Variants in RIMKLB observed in about 807,000 individuals in gnomAD.
RIMKLB encodes the protein ribosomal modification protein rimK like family member B, also known as beta-citrylglutamate synthase B.
A neutral mutation model predicts 32.0 loss-of-function variants in RIMKLB; 7 were observed. The observed-to-expected ratio is 0.22, with a 90% CI of 0.12 to 0.41. RIMKLB has a LOEUF of 0.41. Among genes scored for constraint, RIMKLB ranks in the 10% least tolerant of loss-of-function variants. The pLI, the probability that RIMKLB is intolerant of heterozygous loss-of-function variation, is 1.00. For synonymous variants in RIMKLB, 172 were observed against 185.1 expected, an observed-to-expected ratio of 0.93 and a Z score of 0.57; for missense variants, 289 against 498.7, an observed-to-expected ratio of 0.58 and a Z score of 4.00.
chr12:8,764,425 T>C (rs564064594), intron 5 of RIMKLB, among the ~76,000 whole-genome samples: 217 of 152,244 alleles, frequency 1.4e-3, no homozygotes, highest in Non-Finnish European at 2.4e-3. Context: ...TCAGGGATAA[T>C]TAGAAAAGCA....
At chr12:8,719,923 A>T (rs1238727759) in intron 2 of RIMKLB, among the ~76,000 whole-genome samples, 1 of 152,236 alleles carries the variant, frequency 6.6e-6, no homozygotes, top group Non-Finnish European at 1.5e-5. Context: ...GAGACTGACA[A>T]GGAGTCTGGC....
At chr12:8,690,945 A>G (rs1004714224) in intron 1 of RIMKLB, among the ~76,000 whole-genome samples, 1 of 152,144 alleles carries the variant, frequency 6.6e-6, no homozygotes, top group African/African-American at 2.4e-5. Flanking sequence ...AAACAAAAAA[A>G]GAAGATAATC....
intron 5 of RIMKLB, among the ~76,000 whole-genome samples, chr12:8,757,061 A>G (rs898579792): frequency 6.6e-6 from 1 of 152,090 alleles, no homozygotes; most frequent in Non-Finnish European, 1.5e-5. Flanking sequence ...TCATTATAAC[A>G]CGTCCTGCTG....
At chr12:8,723,970 C>T (rs1180141439) in intron 2 of RIMKLB, among the ~76,000 whole-genome samples, 1 of 148,874 alleles carries the variant, frequency 6.7e-6, no homozygotes, top group Admixed American at 6.6e-5. Context: ...CACGCGCCAC[C>T]ATGCCTGGCT....
At chr12:8,706,055 C>T (rs1943850609) in intron 1 of RIMKLB, among the ~76,000 whole-genome samples, 1 of 152,108 alleles carries the variant, frequency 6.6e-6, no homozygotes, top group Non-Finnish European at 1.5e-5. Context: ...GGAACCATTG[C>T]CTCACCAGGT....
At chr12:8,753,645 A>G (rs1353067795) in intron 4 of RIMKLB, among the ~76,000 whole-genome samples, 1 of 152,226 alleles carries the variant, frequency 6.6e-6, no homozygotes, top group Non-Finnish European at 1.5e-5. Context: ...CTGCCTCAGC[A>G]TATATCAAAA....
chr12:8,729,241 A>G (rs920078733), intron 2 of RIMKLB, among the ~76,000 whole-genome samples: 4 of 151,842 alleles, frequency 2.6e-5, no homozygotes, highest in Non-Finnish European at 5.9e-5. Context: ...GTTCTTGTCC[A>G]GTGTTGAGGA....
chr12:8,727,202 A>G (rs1014083093), intron 2 of RIMKLB, among the ~76,000 whole-genome samples: 1 of 152,212 alleles, frequency 6.6e-6, no homozygotes, highest in Admixed American at 6.5e-5. Context: ...ACGCAATCAA[A>G]TAAAGTTGGC....
chr12:8,756,626 T>C (rs975537877), intron 5 of RIMKLB, among the ~76,000 whole-genome samples: 13 of 151,274 alleles, frequency 8.6e-5, no homozygotes, highest in Non-Finnish European at 1.8e-4. Context: ...GAATACATGA[T>C]AGAGTAAGAA....
chr12:8,740,195 C>A (rs1468648461), intron 2 of RIMKLB, among the ~76,000 whole-genome samples: 1 of 152,192 alleles, frequency 6.6e-6, no homozygotes, highest in Non-Finnish European at 1.5e-5. Context: ...TGTAAGCTAC[C>A]ACACCCAGCC....
At chr12:8,729,601 G>A (rs1021229499) in intron 2 of RIMKLB, among the ~76,000 whole-genome samples, 1 of 152,118 alleles carries the variant, frequency 6.6e-6, no homozygotes, top group African/African-American at 2.4e-5. Context: ...GGAAAACAGG[G>A]ATGTAAATTC....
At chr12:8,724,195 C>T (rs866336468) in intron 2 of RIMKLB, among the ~76,000 whole-genome samples, 3 of 152,006 alleles carry the variant, frequency 2.0e-5, no homozygotes, top group South Asian at 4.2e-4. Context: ...TTTTCAAGTT[C>T]GCTCCCTAGG....
intron 1 of RIMKLB, among the ~76,000 whole-genome samples, chr12:8,688,823 C>CGT (rs1942653061): frequency 6.6e-6 from 1 of 151,554 alleles, no homozygotes; most frequent in African/African-American, 2.4e-5. Flanking sequence ...AAGTGCATGA[C>CGT]GTATTTCTTT....
intron 2 of RIMKLB, among the ~76,000 whole-genome samples, chr12:8,716,759 C>A (rs1465052874): frequency 8.3e-6 from 1 of 120,828 alleles, no homozygotes; most frequent in Admixed American, 9.6e-5. Flanking sequence ...TACTTTGAGA[C>A]GGGGTCTCGC....
At chr12:8,719,850 G>T (rs11616190) in intron 2 of RIMKLB, among the ~76,000 whole-genome samples, 1,671 of 152,324 alleles carry the variant, frequency 0.011, 20 homozygotes, top group Non-Finnish European at 0.017. Flanking sequence ...AATGTACAAG[G>T]TTGTGGATAC....
chr12:8,725,373 G>C (rs1299651949), intron 2 of RIMKLB, among the ~76,000 whole-genome samples: 1 of 152,066 alleles, frequency 6.6e-6, no homozygotes, highest in Non-Finnish European at 1.5e-5. Flanking sequence ...CACCTCCCCG[G>C]TTCCAGCGAT....
chr12:8,773,019 A>T (rs1173415067), intron 5 of RIMKLB, among the ~76,000 whole-genome samples: 1 of 151,862 alleles, frequency 6.6e-6, no homozygotes, highest in Non-Finnish European at 1.5e-5. Context: ...TACTTTTGCC[A>T]TCTATCAAGT....
intron 2 of RIMKLB, among the ~76,000 whole-genome samples, chr12:8,728,388 C>T (rs1946229366): frequency 6.6e-6 from 1 of 152,154 alleles, no homozygotes; most frequent in Non-Finnish European, 1.5e-5. Flanking sequence ...GGAGGTAAAG[C>T]ATCCTATGAT....
At chr12:8,706,053 T>G (rs1474382116) in intron 1 of RIMKLB, among the ~76,000 whole-genome samples, 1 of 152,170 alleles carries the variant, frequency 6.6e-6, no homozygotes, top group Non-Finnish European at 1.5e-5. Flanking sequence ...TTGGAACCAT[T>G]GCCTCACCAG....
Sources: allele counts gnomAD v4.1 joint callset (sites outside exome capture counted in the v4.1 genomes callset), GRCh38; gene constraint gnomAD v4.1.1; transcripts MANE v1.5; gene names NCBI Gene and HGNC (gene_info 2026-07-23, HGNC 2026-07-21).